Variants in NUP93 observed in about 807,000 individuals in gnomAD.
The protein encoded by NUP93 is nuclear pore complex protein Nup93.
NUP93 carries 55 observed loss-of-function variants against 107.8 expected under a neutral mutation model. The ratio of observed to expected loss-of-function variants is 0.51; its 90% CI spans 0.41 to 0.64. The LOEUF is 0.64. Among genes scored for constraint, NUP93 ranks in the 30% least tolerant of loss-of-function variants. The pLI, the probability that NUP93 is intolerant of heterozygous loss-of-function variation, is 0.00. For synonymous variants in NUP93, 390 were observed against 397.5 expected, an observed-to-expected ratio of 0.98 and a Z score of 0.22; for missense variants, 937 against 1,044.7, an observed-to-expected ratio of 0.90 and a Z score of 1.42.
At chr16:56,789,865 G>A (rs574754876) in intron 3 of NUP93, among the ~76,000 whole-genome samples, 72 of 152,300 alleles carry the variant, frequency 4.7e-4, no homozygotes, top group African/African-American at 1.6e-3. Context: ...TTGGGAGGCC[G>A]AGGCAGGTGG....
At chr16:56,738,295 G>C (rs1450142969) in intron 1 of NUP93, among the ~76,000 whole-genome samples, 3 of 152,186 alleles carry the variant, frequency 2.0e-5, no homozygotes, top group African/African-American at 7.2e-5. Context: ...ACAGCCAAGA[G>C]TTTATCAGAA....
At chr16:56,752,676 A>T (rs1027549819) in intron 2 of NUP93, among the ~76,000 whole-genome samples, 9 of 152,220 alleles carry the variant, frequency 5.9e-5, no homozygotes, top group African/African-American at 2.2e-4. Flanking sequence ...ATAGAGATAC[A>T]AGAGACTTAG....
At chr16:56,749,134 G>C (rs1371986728) in intron 2 of NUP93, among the ~76,000 whole-genome samples, 1 of 152,184 alleles carries the variant, frequency 6.6e-6, no homozygotes, top group Non-Finnish European at 1.5e-5. Flanking sequence ...CATCTCTGGG[G>C]TGACAGCCAT....
At position 56,847,665 on chromosome 16, in the gene NUP93, C is replaced by T. The variant is rs1284976827; in HGVS notation, c.*3056C>T. On this transcript the variant is annotated 3_prime_UTR_variant, in exon 22 of 22. Transcript: ENST00000308159. ...ACAACAGCAACAAAAAACTCTTTGACTCCCCAACTTCAGAGGGAAAACTGA... is the reference window on the plus strand; with the variant it reads ...ACAACAGCAACAAAAAACTCTTTGATTCCCCAACTTCAGAGGGAAAACTGA... The T allele has an allele frequency of 6.6e-6, 1 of 152,222 alleles. No homozygotes were observed. The highest frequency in any genetic ancestry group is 1.5e-5 in the Non-Finnish European group (1 of 68,036). 9.4% of individuals were successfully genotyped at this position (152,222 alleles called of 1,614,324 possible).
intron 3 of NUP93, among the ~76,000 whole-genome samples, chr16:56,760,012 T>A (rs529176713): frequency 3.3e-5 from 5 of 152,232 alleles, no homozygotes; most frequent in Non-Finnish European, 7.3e-5. Flanking sequence ...CTTAAGGTAT[T>A]GACAGGTTTG....
intron 3 of NUP93, among the ~76,000 whole-genome samples, chr16:56,780,726 C>T (rs1488215128): frequency 6.6e-6 from 1 of 152,152 alleles, no homozygotes; most frequent in East Asian, 1.9e-4. Flanking sequence ...AAAAATACAT[C>T]ATGAAATTGG....
intron 1 of NUP93, among the ~76,000 whole-genome samples, chr16:56,742,821 A>G (rs1325336538): frequency 6.6e-6 from 1 of 152,214 alleles, no homozygotes; most frequent in Non-Finnish European, 1.5e-5. Flanking sequence ...AGTAACAGCT[A>G]TTTCTGGGAT....
chr16:56,823,195 G>A (rs781044310), intron 7 of NUP93, among the ~76,000 whole-genome samples: 6 of 152,148 alleles, frequency 3.9e-5, no homozygotes, highest in Non-Finnish European at 7.4e-5. Context: ...AGGCTGTGAC[G>A]CTCACCAAGT....
intron 3 of NUP93, among the ~76,000 whole-genome samples, chr16:56,798,151 A>G (rs112175466): frequency 3.3e-5 from 5 of 152,258 alleles, no homozygotes; most frequent in Non-Finnish European, 7.3e-5. Context: ...TAGCTCCATC[A>G]CCAAGGCTGT....
intron 3 of NUP93, among the ~76,000 whole-genome samples, chr16:56,779,952 G>A (rs1263236652): frequency 1.3e-5 from 2 of 152,240 alleles, no homozygotes; most frequent in East Asian, 3.9e-4. Context: ...TCATCCCCAG[G>A]CAGAGATTCC....
intron 2 of NUP93, among the ~76,000 whole-genome samples, chr16:56,756,751 T>C (rs1962031315): frequency 6.6e-6 from 1 of 152,184 alleles, no homozygotes. Flanking sequence ...TAATTTACAC[T>C]CCCACCAACA....
intron 2 of NUP93, among the ~76,000 whole-genome samples, chr16:56,754,374 T>C (rs1040800367): frequency 1.3e-5 from 2 of 152,194 alleles, no homozygotes; most frequent in Non-Finnish European, 2.9e-5. Flanking sequence ...CAGTCATGGC[T>C]TCCAAACAGA....
intron 5 of NUP93, among the ~76,000 whole-genome samples, chr16:56,813,584 G>A (rs946699847): frequency 6.6e-6 from 1 of 152,114 alleles, no homozygotes; most frequent in Non-Finnish European, 1.5e-5. Context: ...GCGCTTTTCT[G>A]ACAGTAGAGG....
At chr16:56,832,235 CTG>C (rs1231841096) in intron 11 of NUP93, 58 bp from the exon 12 acceptor site, 1 of 1,408,542 alleles carries the variant, frequency 7.1e-7, no homozygotes, top group Non-Finnish European at 1.0e-6. Flanking sequence ...AGCTACAACT[CTG>C]TGCATGTGGC....
chr16:56,772,152 T>C (rs1962333822), intron 3 of NUP93, among the ~76,000 whole-genome samples: 1 of 152,196 alleles, frequency 6.6e-6, no homozygotes, highest in Non-Finnish European at 1.5e-5. Flanking sequence ...CTGCCATTGC[T>C]AATGGGAGTG....
intron 7 of NUP93, among the ~76,000 whole-genome samples, chr16:56,823,465 G>T (rs1386064301): frequency 1.3e-5 from 2 of 152,164 alleles, no homozygotes; most frequent in East Asian, 3.8e-4. Context: ...ACCTGGAATA[G>T]TAATTGATCT....
Position 56,848,580 on chromosome 16 carries a change from G to A in NUP93, c.*3971G>A, listed in dbSNP as rs902730057. 1 of 152,196 alleles carries A rather than the reference G, an allele frequency of 6.6e-6. No homozygotes were observed. The highest frequency in any genetic ancestry group is 1.5e-5 in the Non-Finnish European group (1 of 68,052). 9.4% of individuals were successfully genotyped at this position (152,196 alleles called of 1,614,324 possible). On this transcript the variant is annotated 3_prime_UTR_variant, in exon 22 of 22. Transcript: ENST00000308159. ...ATATATTGGTATCCCTCACAGGGCAGGGACAGGAAGGAAATAAATCTTTCT... is the reference window on the plus strand; with the variant it reads ...ATATATTGGTATCCCTCACAGGGCAAGGACAGGAAGGAAATAAATCTTTCT...
chr16:56,777,678 G>A (rs1391885831), intron 3 of NUP93, among the ~76,000 whole-genome samples: 3 of 152,140 alleles, frequency 2.0e-5, no homozygotes, highest in Non-Finnish European at 4.4e-5. Flanking sequence ...CATTTTCCCC[G>A]AACTTCCGTG....
intron 5 of NUP93, among the ~76,000 whole-genome samples, chr16:56,808,489 T>TATAACTATATAAATATATA (rs1567398747): frequency 8.7e-6 from 1 of 114,814 alleles, no homozygotes; most frequent in Non-Finnish European, 1.6e-5. Flanking sequence ...TATATAGTTA[T>TATAACTATATAAATATATA]GTAACTATAT....
Sources: gnomAD v4.1 joint callset for allele counts (sites outside exome capture counted in the v4.1 genomes callset) on GRCh38, gnomAD v4.1.1 for gene constraint, MANE v1.5 for transcripts, NCBI Gene and HGNC (gene_info 2026-07-23, HGNC 2026-07-21) for gene names.